The following DMD variants were observed in gnomAD, a reference collection of about 807,000 sequenced individuals.
DMD encodes mutant dystrophin.
DMD carries 63 observed loss-of-function variants against 330.1 expected under a neutral mutation model. The ratio of observed to expected loss-of-function variants is 0.19; its 90% CI spans 0.16 to 0.24. The LOEUF is 0.24. Ranked by LOEUF, DMD falls within the 10% of genes least tolerant of loss-of-function variation. DMD has a pLI of 1.00. For missense variants in DMD, 3,344 were observed against 2,684.1 expected (o/e 1.25, Z -5.43); for synonymous variants, 1,223 against 959.8 (o/e 1.27, Z -5.07).
At chrX:32,987,076 T>G (rs1367868744) in intron 2 of DMD, among the ~76,000 whole-genome samples, 1 of 112,443 alleles carries the variant, frequency 8.9e-6, no homozygotes, top group African/African-American at 3.2e-5. Context: ...CAATTTCAGA[T>G]CAATGATCCT....
At chrX:31,694,651 C>CATAT (rs1347923232) in intron 52 of DMD, among the ~76,000 whole-genome samples, 1 of 56,611 alleles carries the variant, frequency 1.8e-5, no homozygotes, top group African/African-American at 8.3e-5. Context: ...TATATATATA[C>CATAT]ACACACATAT....
chrX:32,775,014 A>C (rs1046800397), intron 7 of DMD, among the ~76,000 whole-genome samples: 1 of 112,242 alleles, frequency 8.9e-6, no homozygotes, highest in Admixed American at 9.4e-5. Flanking sequence ...TTCCATTCTA[A>C]ATGGGGGAAA....
chrX:32,138,431 G>A (rs2096737703), intron 44 of DMD, among the ~76,000 whole-genome samples: 1 of 111,513 alleles, frequency 9.0e-6, no homozygotes, highest in South Asian at 3.8e-4. Context: ...TATTTTCAGG[G>A]TAATATGAGA....
chrX:32,102,407 T>A (rs1202438577), intron 44 of DMD, among the ~76,000 whole-genome samples: 2 of 111,482 alleles, frequency 1.8e-5, no homozygotes, highest in South Asian at 3.7e-4. Context: ...TCCTAACTCA[T>A]TCAAAGATCA....
At chrX:32,885,840 A>AAC (rs2084497553) in intron 2 of DMD, among the ~76,000 whole-genome samples, 1 of 108,711 alleles carries the variant, frequency 9.2e-6, no homozygotes, top group African/African-American at 3.3e-5. Context: ...AAAAAAAAAA[A>AAC]AAAAAAAAAC....
chrX:32,617,587 T>C (rs1395280975), intron 11 of DMD, among the ~76,000 whole-genome samples: 1 of 110,984 alleles, frequency 9.0e-6, no homozygotes, highest in Non-Finnish European at 1.9e-5. Context: ...AACTTAAATT[T>C]AAGACTCAAA....
At chrX:32,528,641 T>G (rs1393241885) in intron 17 of DMD, among the ~76,000 whole-genome samples, 1 of 111,241 alleles carries the variant, frequency 9.0e-6, no homozygotes, top group Non-Finnish European at 1.9e-5. Flanking sequence ...CTCTGACACT[T>G]ACATCAACAC....
At chrX:31,949,177 T>C (rs1230470965) in intron 45 of DMD, among the ~76,000 whole-genome samples, 2 of 111,501 alleles carry the variant, frequency 1.8e-5, no homozygotes, top group Non-Finnish European at 3.8e-5. Context: ...TGTGCAATTT[T>C]TCAATTTGTG....
chrX:32,681,236 C>T (rs1255739261), intron 9 of DMD, among the ~76,000 whole-genome samples: 1 of 111,487 alleles, frequency 9.0e-6, no homozygotes, highest in East Asian at 2.8e-4. Flanking sequence ...TGAACTTACT[C>T]TATGGAAATC....
At chrX:31,885,381 C>T (rs911238000) in intron 47 of DMD, among the ~76,000 whole-genome samples, 4 of 110,276 alleles carry the variant, frequency 3.6e-5, no homozygotes, top group African/African-American at 6.6e-5. Flanking sequence ...GAGGCCGAGG[C>T]GGGCGGATCA....
intron 7 of DMD, among the ~76,000 whole-genome samples, chrX:32,734,441 G>A (rs1270529719): frequency 9.3e-6 from 1 of 107,079 alleles, no homozygotes; most frequent in East Asian, 2.9e-4. Context: ...TGATACGAAA[G>A]CCTGGCAGAG....
chrX:33,076,042 A>G (rs989035671), intron 1 of DMD, among the ~76,000 whole-genome samples: 1 of 111,762 alleles, frequency 8.9e-6, no homozygotes, highest in Admixed American at 9.5e-5. Flanking sequence ...GCCTAAGATC[A>G]GTGCTTGAGA....
intron 44 of DMD, among the ~76,000 whole-genome samples, chrX:32,068,695 A>C (rs1291937075): frequency 9.0e-6 from 1 of 111,125 alleles, no homozygotes; most frequent in African/African-American, 3.3e-5. Context: ...TTTGAAAAAA[A>C]CTGCCTGCTA....
At chrX:31,127,048 A>G (rs17340547) in intron 77 of DMD, among the ~76,000 whole-genome samples, 2,760 of 111,817 alleles carry the variant, frequency 0.025, 73 homozygotes, top group East Asian at 0.15. Context: ...GAATCTCTTC[A>G]CTCTTGACAA....
chrX:33,329,862 C>A (rs889145554), intron 1 of DMD, among the ~76,000 whole-genome samples: 1 of 111,386 alleles, frequency 9.0e-6, no homozygotes, highest in African/African-American at 3.3e-5. Flanking sequence ...ATTCATGAAG[C>A]TGGACACCTA....
intron 9 of DMD, among the ~76,000 whole-genome samples, chrX:32,656,418 G>C (rs753238035): frequency 7.2e-5 from 8 of 111,753 alleles, no homozygotes; most frequent in Non-Finnish European, 1.3e-4. Flanking sequence ...AGAGAAGTAA[G>C]TCTGAAAGAG....
intron 29 of DMD, among the ~76,000 whole-genome samples, chrX:32,423,501 T>G (rs2098199154): frequency 9.0e-6 from 1 of 110,704 alleles, no homozygotes; most frequent in South Asian, 3.8e-4. Context: ...TACATGCAAG[T>G]ATATATATGT....
intron 43 of DMD, among the ~76,000 whole-genome samples, chrX:32,273,152 G>T (rs2097371500): frequency 9.0e-6 from 1 of 110,884 alleles, no homozygotes; most frequent in Non-Finnish European, 1.9e-5. Context: ...TCTTATATTG[G>T]CAGAATTTAG....
intron 1 of DMD, among the ~76,000 whole-genome samples, chrX:33,080,227 T>C (rs756855208): frequency 8.9e-6 from 1 of 111,956 alleles, no homozygotes; most frequent in African/African-American, 3.2e-5. Flanking sequence ...TTTTAACCTA[T>C]AGAAAAAGCT....
Sources: gnomAD v4.1 joint callset for allele counts (sites outside exome capture counted in the v4.1 genomes callset) on GRCh38, gnomAD v4.1.1 for gene constraint, MANE v1.5 for transcripts, NCBI Gene and HGNC (gene_info 2026-07-23, HGNC 2026-07-21) for gene names.